The following PPM1H variants were observed in gnomAD, a reference collection of about 807,000 sequenced individuals.
PPM1H encodes the protein protein phosphatase, Mg2+/Mn2+ dependent 1H.
In PPM1H, 27 loss-of-function variants were observed where a neutral mutation model predicts 54.9. The observed-to-expected ratio is 0.49, with a 90% confidence interval of 0.36 to 0.68. PPM1H has a LOEUF of 0.68. PPM1H is among the 30% of genes least tolerant of loss of function. PPM1H has a pLI of 0.00. For missense variants in PPM1H, 596 were observed against 667.8 expected, an observed-to-expected ratio of 0.89 and a Z score of 1.19; for synonymous variants, 305 against 270.8, an observed-to-expected ratio of 1.13 and a Z score of -1.24.
chr12:62,897,612 G>A (rs567339342), intron 1 of PPM1H, among the ~76,000 whole-genome samples: 17 of 152,238 alleles, frequency 1.1e-4, no homozygotes, highest in Admixed American at 7.2e-4. Context: ...GGTACACCTT[G>A]TGTGTGACAG....
At chr12:62,926,555 CAACAT>C (rs1407266311) in intron 1 of PPM1H, among the ~76,000 whole-genome samples, 1 of 151,938 alleles carries the variant, frequency 6.6e-6, no homozygotes, top group Non-Finnish European at 1.5e-5. Flanking sequence ...AAAAATATCA[CAACAT>C]AATAGGCCAA....
At chr12:62,900,913 C>T (rs926554062) in intron 1 of PPM1H, among the ~76,000 whole-genome samples, 2 of 152,182 alleles carry the variant, frequency 1.3e-5, no homozygotes, top group Admixed American at 6.5e-5. Context: ...AATGCCCCTA[C>T]ATATTTCTAT....
chr12:62,923,292 A>G (rs1292679103), intron 1 of PPM1H, among the ~76,000 whole-genome samples: 10 of 152,260 alleles, frequency 6.6e-5, no homozygotes, highest in Admixed American at 6.5e-4. Context: ...GATAAATGAT[A>G]AAGCAAATCT....
intron 1 of PPM1H, among the ~76,000 whole-genome samples, chr12:62,859,308 C>T (rs1869511402): frequency 6.6e-6 from 1 of 152,160 alleles, no homozygotes; most frequent in African/African-American, 2.4e-5. Context: ...GTGGATGTTA[C>T]ATTTTCACAT....
intron 1 of PPM1H, among the ~76,000 whole-genome samples, chr12:62,920,239 T>C (rs894657374): frequency 3.3e-5 from 5 of 152,250 alleles, no homozygotes; most frequent in Non-Finnish European, 5.9e-5. Flanking sequence ...AATGTATCTT[T>C]TAGAGTCCAT....
At chr12:62,927,295 T>C (rs17098588) in intron 1 of PPM1H, among the ~76,000 whole-genome samples, 8,925 of 152,160 alleles carry the variant, frequency 0.059, 291 homozygotes, top group Middle Eastern at 0.092. Flanking sequence ...TAAAAGTAAA[T>C]CTAAATGTTC....
intron 8 of PPM1H, among the ~76,000 whole-genome samples, chr12:62,677,976 G>C (rs958799383): frequency 1.1e-4 from 17 of 151,932 alleles, no homozygotes; most frequent in Non-Finnish European, 2.2e-4. Context: ...TTGCTCTGTT[G>C]CCCAGGCTGT....
At chr12:62,820,872 G>C (rs1159385354) in intron 2 of PPM1H, among the ~76,000 whole-genome samples, 2 of 152,174 alleles carry the variant, frequency 1.3e-5, no homozygotes, top group African/African-American at 4.8e-5. Context: ...TCCTCCAAAG[G>C]ATCACAGCTC....
rs534184632 is a variant in PPM1H, at chr12:62,682,898, T to C, written c.1245+6801A>G. Among the ~76,000 whole-genome samples, 47 of 151,838 alleles carry C rather than the reference T, an allele frequency of 3.1e-4. 2 individuals are homozygous for C. Among genetic ancestry groups the C allele is most frequent in the African/African-American group, 1.1e-3 (47 of 41,398 alleles). ...GTGCAGTGGCACAATCATGGCTCAC[T>C]GCAGCCTCAACCTTCCAGGCTCAAG... On this transcript the variant is annotated intron_variant, in intron 8 of 9. Transcript: ENST00000228705.
intron 1 of PPM1H, among the ~76,000 whole-genome samples, chr12:62,884,087 C>T (rs28461752): frequency 0.035 from 5,376 of 151,966 alleles, 272 homozygotes; most frequent in African/African-American, 0.11. Flanking sequence ...CAAACTTGAA[C>T]TCAAATGTTC....
chr12:62,700,486 A>C (rs903533587), intron 6 of PPM1H, among the ~76,000 whole-genome samples: 7 of 152,348 alleles, frequency 4.6e-5, no homozygotes, highest in Middle Eastern at 3.4e-3. Flanking sequence ...TCAATTTTCC[A>C]GTAACACAAC....
intron 6 of PPM1H, among the ~76,000 whole-genome samples, chr12:62,714,101 C>G (rs1328983273): frequency 6.6e-6 from 1 of 152,206 alleles, no homozygotes; most frequent in Admixed American, 6.5e-5. Flanking sequence ...CAGCACCATG[C>G]CGTAGAACTT....
At chr12:62,820,904 C>T (rs2076899140) in intron 2 of PPM1H, among the ~76,000 whole-genome samples, 1 of 152,198 alleles carries the variant, frequency 6.6e-6, no homozygotes, top group Non-Finnish European at 1.5e-5. Flanking sequence ...CGGAACAAAG[C>T]TGGATGGAGA....
At position 62,713,531 on chromosome 12, in the gene PPM1H, C is replaced by G. The variant is rs573559204; in HGVS notation, c.1073+6640G>C. On this transcript the variant is annotated intron_variant, in intron 6 of 9. Transcript: ENST00000228705. ...CTATGAAGTGAGTTGTTCCTAAGCA[C>G]AATGACTGATGCCCCTGAGGATCAG... Among the ~76,000 whole-genome samples, 31 of 152,272 alleles carry G rather than the reference C, an allele frequency of 2.0e-4. No individual in the cohort carries two copies. The South Asian group carries it at 6.4e-3, about 32-fold the overall frequency.
At chr12:62,830,890 G>A (rs1385453904) in intron 2 of PPM1H, among the ~76,000 whole-genome samples, 2 of 152,146 alleles carry the variant, frequency 1.3e-5, no homozygotes, top group Non-Finnish European at 1.5e-5. Context: ...AGTCTGCACT[G>A]TCGCCCAGGC....
At chr12:62,688,396 C>T (rs2076065420) in intron 8 of PPM1H, among the ~76,000 whole-genome samples, 1 of 151,224 alleles carries the variant, frequency 6.6e-6, no homozygotes, top group African/African-American at 2.4e-5. Flanking sequence ...GAAAAATTTA[C>T]CTTTAAACTC....
intron 4 of PPM1H, among the ~76,000 whole-genome samples, chr12:62,772,194 G>A (rs11174638): frequency 0.021 from 3,184 of 152,256 alleles, 109 homozygotes; most frequent in African/African-American, 0.073. Context: ...CACACTGAAC[G>A]CCTTCTGTGC....
intron 1 of PPM1H, among the ~76,000 whole-genome samples, chr12:62,865,788 T>C (rs1187782080): frequency 6.6e-6 from 1 of 152,170 alleles, no homozygotes; most frequent in Non-Finnish European, 1.5e-5. Flanking sequence ...TGAGCCACCA[T>C]GCCTGGCCTA....
intron 6 of PPM1H, 67 bp downstream of exon 6, chr12:62,720,104 T>C: frequency 7.4e-7 from 1 of 1,355,104 alleles, no homozygotes; most frequent in South Asian, 1.2e-5. Flanking sequence ...TAACTGGCTG[T>C]TTATGGTGGT....
Sources: allele counts gnomAD v4.1 joint callset (sites outside exome capture counted in the v4.1 genomes callset), GRCh38; gene constraint gnomAD v4.1.1; transcripts MANE v1.5; gene names NCBI Gene and HGNC (gene_info 2026-07-23, HGNC 2026-07-21).